DMRTB1: variants seen among roughly 807,000 people sequenced by gnomAD.
The protein encoded by DMRTB1 is doublesex- and mab-3-related transcription factor B1.
DMRTB1 carries 9 observed loss-of-function variants against 25.2 expected under a neutral mutation model. The ratio of observed to expected loss-of-function variants is 0.36; its 90% confidence interval spans 0.22 to 0.62. DMRTB1 has a LOEUF of 0.62. Among genes scored for constraint, DMRTB1 ranks in the 20% least tolerant of loss-of-function variants. The pLI, the probability that DMRTB1 is intolerant of heterozygous loss-of-function variation, is 0.71. For synonymous variants in DMRTB1, 269 were observed against 238.1 expected (o/e 1.13, Z -1.20); for missense variants, 551 against 499.3 (o/e 1.10, Z -0.99).
chr1:53,464,489 C>T, intron 2 of DMRTB1, 148 bp from the exon 3 acceptor site: 4 of 1,249,148 alleles, frequency 3.2e-6, no homozygotes, highest in Non-Finnish European at 4.7e-6. Context: ...TGCTGAATGC[C>T]CCCTTCCAAA....
rs770956387 is a variant in DMRTB1, at chr1:53,459,895, G to A, written c.442G>A (p.Glu148Lys). ...CGGCCGCAGCCACGTGGAGCCGAGC[G>A]AGCGAGCCGCCGTGGCGATGCCCAG... The part of the protein sequence containing the change: ...LGGRSHVEPS[E>K]RAAVAMPSLA... The change falls in exon 1 of 4, where the codon GAG becomes AAG. Residue 148 changes from glutamate to lysine, a missense_variant. Glu to Lys is a moderately conservative substitution (Grantham distance 56, BLOSUM62 1). Transcript: ENST00000371445. The A allele has an allele frequency of 4.6e-6, 7 of 1,531,204 alleles. No homozygotes were observed. Among genetic ancestry groups the A allele is most frequent in the South Asian group, 3.6e-5 (3 of 84,076 alleles). 94.9% of individuals were successfully genotyped at this position (1,531,204 alleles called of 1,614,324 possible). A position where few individuals can be genotyped will look rare whatever the true frequency, so the allele number is the denominator to read the frequency against.
intron 3 of DMRTB1, 114 bp downstream of exon 3, chr1:53,464,961 G>A: frequency 1.4e-6 from 2 of 1,443,398 alleles, no homozygotes; most frequent in Non-Finnish European, 1.9e-6. Context: ...GGAATTTAAA[G>A]GGTGTTGAGC....
At position 53,464,677 on chromosome 1, in the gene DMRTB1, TGCCGCCGCCGCC is replaced by T; in HGVS notation, c.798_809del (p.Pro267_Pro270del). ...GGAGACTTCCAGCCAAGCTACTACC[TGCCGCCGCCGCC>T]GCCGCCACTGCCGCCCCTTCCACCG... On this transcript the variant is annotated inframe_deletion, in exon 3 of 4. Coordinates refer to ENST00000371445, the MANE Select transcript of DMRTB1 (RefSeq NM_033067.3). 1 of 1,612,036 alleles carries T rather than the reference TGCCGCCGCCGCC, an allele frequency of 6.2e-7. No individual in the cohort carries two copies. The highest frequency in any genetic ancestry group is 1.7e-5 in the Admixed American group (1 of 59,984).
In DMRTB1 at chr1:53,466,600, C is replaced by T. The variant is rs761558767; in HGVS notation, c.967C>T (p.Gln323Ter). ...ACCTTCTTTGTCCTTCACAGATGAC[C>T]AGGATGCAGAGGTACTGTCGGGTGA... ...FDTDKENTDDQDAEVLSGEPS... is the reference protein window; with the variant it reads ...FDTDKENTDD Residue 323 changes from glutamine (Q) to a stop codon, truncating the protein, a stop_gained, in exon 4 of 4, where the codon CAG (glutamine) becomes TAG (stop). Transcript: ENST00000371445. LOFTEE classifies it low-confidence loss of function (END_TRUNC). 6.2e-7 allele frequency: 1 copy of T among 1,614,188 alleles called. No homozygotes were observed. Among genetic ancestry groups the T allele is most frequent in the South Asian group, 1.1e-5 (1 of 91,090 alleles).
chr1:53,459,751 C>T lies in DMRTB1; in HGVS notation c.298C>T (p.Pro100Ser), dbSNP rs1644007789. The T allele has an allele frequency of 1.5e-6, 2 of 1,362,166 alleles. No individual in the cohort carries two copies. The highest frequency in any genetic ancestry group is 1.9e-6 in the Non-Finnish European group (2 of 1,060,792). The allele number at this position is 1,362,166 out of a possible 1,614,324, so 84.4% of individuals were successfully genotyped here. The change falls in exon 1 of 4, where the codon CCG (proline) becomes TCG (serine). Residue 100 changes from proline (P) to serine (S), a missense_variant. Physicochemically the swap from Pro to Ser is moderately conservative, Grantham distance 74. Coordinates refer to ENST00000371445, the MANE Select transcript of DMRTB1 (RefSeq NM_033067.3). ...GGCCGCGAGCCTCCGCCCGCTGTCC[C>T]CGGGGACTCCCTCCGGAGACGCCGA... ...VPAASLRPLS[P>S]GTPSGDADPG... is the part of the protein sequence containing the mutation.
rs1232043134 is a variant in DMRTB1 at position 53,459,824 on chromosome 1, C to T, written c.371C>T (p.Pro124Leu). The change falls in exon 1 of 4, where the codon CCG (proline) becomes CTG (leucine). Residue 124 changes from proline to leucine, a missense_variant. By Grantham distance (98) the Pro-to-Leu change is moderately conservative. Coordinates refer to ENST00000371445, the MANE Select transcript of DMRTB1 (RefSeq NM_033067.3). ...GCCGCTTGCTTCTTCGAGCAGCCCC[C>T]GCGGGGCCGGAACCCCGGCCCGAGA... Reference protein sequence around the residue: ...RAAACFFEQPPRGRNPGPRAL... With the variant: ...RAAACFFEQPLRGRNPGPRAL... The T allele has an allele frequency of 2.6e-5, 38 of 1,463,062 alleles. No homozygotes were observed. The South Asian group carries it at 3.2e-4, about 12-fold the overall frequency. The allele number at this position is 1,463,062 out of a possible 1,614,324, so 90.6% of individuals were successfully genotyped here.
intron 2 of DMRTB1, among the ~76,000 whole-genome samples, chr1:53,462,674 C>T (rs1273922307): frequency 6.6e-6 from 1 of 152,200 alleles, no homozygotes; most frequent in Non-Finnish European, 1.5e-5. Flanking sequence ...TGGCCAGGGT[C>T]ACAAAACTGG....
chr1:53,462,282 C>T (rs780544956), intron 2 of DMRTB1, among the ~76,000 whole-genome samples: 9 of 152,154 alleles, frequency 5.9e-5, no homozygotes, highest in South Asian at 2.1e-4. Context: ...GTGTGTACTA[C>T]GAGGCAGGTG....
chr1:53,467,310 A>C lies in DMRTB1; in HGVS notation c.*648A>C, dbSNP rs572971260. On this transcript the variant is annotated 3_prime_UTR_variant, in exon 4 of 4. Coordinates refer to ENST00000371445, the MANE Select transcript of DMRTB1 (RefSeq NM_033067.3). The stretch of plus-strand genomic sequence containing the variant: ...TCAGCCATTATGGGCACTGGTTTTA[A>C]AAAATTTATTAGTTTGACTATTTGA... 1 of 152,872 alleles carries C rather than the reference A, an allele frequency of 6.5e-6. No individual in the cohort carries two copies. The highest frequency in any genetic ancestry group is 2.1e-4 in the South Asian group (1 of 4,830). The allele number at this position is 152,872 out of a possible 1,614,324, so 9.5% of individuals were successfully genotyped here. A position where few individuals can be genotyped will look rare whatever the true frequency, so the allele number is the denominator to read the frequency against.
At position 53,466,846 on chromosome 1, in the gene DMRTB1, TGAA is replaced by T. The variant is rs368516471; in HGVS notation, c.*190_*192del. On this transcript the variant is annotated 3_prime_UTR_variant, in exon 4 of 4. Transcript: ENST00000371445. ...AAGTTTCAATCCTGCGCTGTACAGT[TGAA>T]GAAGAGTGTGGAGGAAGCTATTACC... is the stretch of plus-strand genomic sequence containing the variant. 562 of 626,390 alleles carry T rather than the reference TGAA, an allele frequency of 9.0e-4. 2 individuals carry two copies. In the African/African-American group the frequency reaches 9.1e-3, roughly 10 times the overall value. 38.8% of individuals were successfully genotyped at this position (626,390 alleles called of 1,614,324 possible).
At chr1:53,464,949 AT>A in intron 3 of DMRTB1, 102 bp downstream of exon 3, 1 of 1,515,820 alleles carries the variant, frequency 6.6e-7, no homozygotes, top group African/African-American at 1.4e-5. Context: ...GAGAAGGGAC[AT>A]GGAATTTAAA....
rs765656172 is a variant in DMRTB1, at chr1:53,459,654, G to C, written c.201G>C (p.Ala67=). 6.4e-7 allele frequency: 1 copy of C among 1,550,884 alleles called. No individual in the cohort carries two copies. Among genetic ancestry groups the C allele is most frequent in the Admixed American group, 2.0e-5 (1 of 51,234 alleles). Residue 67 remains alanine (A), a synonymous_variant, in exon 1 of 4, where the codon GCG becomes GCC. Coordinates refer to ENST00000371445, the MANE Select transcript of DMRTB1 (RefSeq NM_033067.3). ...AGGCCGCCGAGGAGGAGCAGGAGGC[G>C]GCCCTGTGTGCGCAGGGGCCCAAGC... The part of the protein sequence containing the change: ...KTQAAEEEQE[A]ALCAQGPKQA...
In DMRTB1 at chr1:53,466,784, T is replaced by C; in HGVS notation, c.*122T>C. On this transcript the variant is annotated 3_prime_UTR_variant, in exon 4 of 4. Coordinates refer to ENST00000371445, the MANE Select transcript of DMRTB1 (RefSeq NM_033067.3). The stretch of plus-strand genomic sequence containing the variant: ...GGTTGATAGCATAGATGGCAACTGA[T>C]TCCCAGTTTAAGATAGGAGGAAGGA... 1.0e-6 allele frequency: 1 copy of C among 978,412 alleles called. No homozygotes were observed. Among genetic ancestry groups the C allele is most frequent in the South Asian group, 1.4e-5 (1 of 69,472 alleles). 60.6% of individuals were successfully genotyped at this position (978,412 alleles called of 1,614,324 possible). A position where few individuals can be genotyped will look rare whatever the true frequency, so the allele number is the denominator to read the frequency against.
At chr1:53,460,139 G>T in intron 1 of DMRTB1, 109 bp downstream of exon 1, 1 of 1,345,814 alleles carries the variant, frequency 7.4e-7, no homozygotes, top group Admixed American at 3.5e-5. Context: ...TTTTCCACGG[G>T]TAACGGACCT....
Position 53,466,954 on chromosome 1 carries a change from A to C in DMRTB1, c.*292A>C. On this transcript the variant is annotated 3_prime_UTR_variant, in exon 4 of 4. Coordinates refer to ENST00000371445, the MANE Select transcript of DMRTB1 (RefSeq NM_033067.3). ...ATGAATTTAACTGTCCTTGGGTTACACTACCATTTATTGGAACAAGCCCCA... is the reference window on the plus strand; with the variant it reads ...ATGAATTTAACTGTCCTTGGGTTACCCTACCATTTATTGGAACAAGCCCCA... 2.5e-6 allele frequency: 1 copy of C among 406,342 alleles called. No homozygotes were observed. The highest frequency in any genetic ancestry group is 5.1e-5 in the South Asian group (1 of 19,634). The allele number at this position is 406,342 out of a possible 1,614,324, so 25.2% of individuals were successfully genotyped here.
intron 3 of DMRTB1, among the ~76,000 whole-genome samples, chr1:53,466,146 G>A (rs1441353727): frequency 6.6e-6 from 1 of 152,184 alleles, no homozygotes; most frequent in African/African-American, 2.4e-5. Flanking sequence ...ACAAGTTAAA[G>A]AAAATACATT....
chr1:53,463,007 G>A (rs376036852), intron 2 of DMRTB1, among the ~76,000 whole-genome samples: 2 of 152,250 alleles, frequency 1.3e-5, no homozygotes, highest in Non-Finnish European at 2.9e-5. Flanking sequence ...CCTGCCAGAC[G>A]GCCTTTGTTA....
intron 1 of DMRTB1, among the ~76,000 whole-genome samples, chr1:53,460,751 G>T (rs1200854518): frequency 1.3e-5 from 2 of 152,210 alleles, no homozygotes; most frequent in Non-Finnish European, 2.9e-5. Context: ...GTGCGGACGC[G>T]TTTTCCTGGT....
Position 53,461,510 on chromosome 1 carries a change from C to G in DMRTB1, c.615C>G (p.Gly205=). ...PLNINPDRAL[G]PEYPGGSSMH... ...ACATCAACCCGGACCGTGCACTGGG[C>G]CCTGAGTACCCTGGTGGCTCCAGCA... Residue 205 remains glycine, a synonymous_variant, in exon 2 of 4, where the codon GGC becomes GGG. Coordinates refer to ENST00000371445, the MANE Select transcript of DMRTB1 (RefSeq NM_033067.3). 2 of 1,610,374 alleles carry G rather than the reference C, an allele frequency of 1.2e-6. No individual in the cohort carries two copies. The highest frequency in any genetic ancestry group is 1.7e-6 in the Non-Finnish European group (2 of 1,178,144).
Sources: allele counts gnomAD v4.1 joint callset (sites outside exome capture counted in the v4.1 genomes callset), GRCh38; gene constraint gnomAD v4.1.1; transcripts MANE v1.5; gene names NCBI Gene and HGNC (gene_info 2026-07-23, HGNC 2026-07-21).